Variants in CAMK1D observed in about 807,000 individuals in gnomAD.
The protein encoded by CAMK1D is calcium/calmodulin-dependent protein kinase type 1D.
A neutral mutation model predicts 47.7 loss-of-function variants in CAMK1D; 9 were observed. The observed-to-expected ratio is 0.19, with a 90% CI of 0.11 to 0.33. The LOEUF (loss-of-function observed/expected upper bound fraction) is 0.33. Ranked by LOEUF, CAMK1D falls within the 10% of genes least tolerant of loss-of-function variation. CAMK1D has a pLI of 1.00. For synonymous variants in CAMK1D, 184 were observed against 184.9 expected, an observed-to-expected ratio of 0.99 and a Z score of 0.04; for missense variants, 291 against 488.7, an observed-to-expected ratio of 0.60 and a Z score of 3.81.
At chr10:12,797,024 A>C (rs1024671668) in intron 6 of CAMK1D, among the ~76,000 whole-genome samples, 4 of 152,160 alleles carry the variant, frequency 2.6e-5, no homozygotes, top group Non-Finnish European at 5.9e-5. Flanking sequence ...TGAGAAACCA[A>C]ATGAAAAGCA....
intron 4 of CAMK1D, among the ~76,000 whole-genome samples, chr10:12,763,144 G>C (rs899232651): frequency 1.3e-5 from 2 of 152,166 alleles, no homozygotes; most frequent in African/African-American, 4.8e-5. Flanking sequence ...CACCGGGCCT[G>C]TCGTTACGTA....
At chr10:12,426,222 G>A (rs1443340045) in intron 1 of CAMK1D, among the ~76,000 whole-genome samples, 1 of 152,158 alleles carries the variant, frequency 6.6e-6, no homozygotes, top group East Asian at 1.9e-4. Context: ...TTAGGCTGTT[G>A]TATTTTTGCT....
chr10:12,579,029 C>T (rs1837582045), intron 2 of CAMK1D, among the ~76,000 whole-genome samples: 1 of 152,010 alleles, frequency 6.6e-6, no homozygotes, highest in Non-Finnish European at 1.5e-5. Context: ...GCTTCAAGGG[C>T]ATAGGGAAGT....
chr10:12,538,820 A>G (rs1836065759), intron 1 of CAMK1D, among the ~76,000 whole-genome samples: 1 of 143,418 alleles, frequency 7.0e-6, no homozygotes, highest in Non-Finnish European at 1.5e-5. Context: ...CGCAGCTTTT[A>G]TCTGAAGTGG....
At chr10:12,368,840 T>C (rs1467496711) in intron 1 of CAMK1D, among the ~76,000 whole-genome samples, 1 of 151,954 alleles carries the variant, frequency 6.6e-6, no homozygotes, top group Non-Finnish European at 1.5e-5. Flanking sequence ...TATTTTGAGA[T>C]GGAGTCTTGC....
At chr10:12,363,227 C>T (rs2724804) in intron 1 of CAMK1D, among the ~76,000 whole-genome samples, 3 of 151,860 alleles carry the variant, frequency 2.0e-5, no homozygotes, top group Non-Finnish European at 2.9e-5. Context: ...AGGCGTGAAC[C>T]ACCGCACCCG....
chr10:12,521,807 T>A (rs1438916195), intron 1 of CAMK1D, among the ~76,000 whole-genome samples: 1 of 152,232 alleles, frequency 6.6e-6, no homozygotes, highest in Non-Finnish European at 1.5e-5. Flanking sequence ...TTCTTTGTGG[T>A]GAATTTATTC....
intron 1 of CAMK1D, among the ~76,000 whole-genome samples, chr10:12,531,110 C>G (rs1013783868): frequency 6.6e-6 from 1 of 151,052 alleles, no homozygotes; most frequent in African/African-American, 2.4e-5. Flanking sequence ...AATTTGAACA[C>G]AGGCTTCAAG....
intron 2 of CAMK1D, among the ~76,000 whole-genome samples, chr10:12,624,197 T>C (rs1247041571): frequency 6.6e-6 from 1 of 152,136 alleles, no homozygotes. Flanking sequence ...TATATCCCCA[T>C]ATGAGAGTGT....
In CAMK1D at chr10:12,452,945, T is replaced by C. The variant is rs567193184; in HGVS notation, c.93-100280T>C. ...GTTGTGCAGCCATCGCCACCATCCA[T>C]CTCCAGAACTTTTTCATCTTCCCAG... On this transcript the variant is annotated intron_variant, in intron 1 of 10. Transcript: ENST00000619168. 2.6e-5 allele frequency among the ~76,000 whole-genome samples: 4 copies of C among 152,142 alleles called. No individual in the cohort carries two copies. In the East Asian group the frequency reaches 7.7e-4, roughly 29 times the overall value.
At chr10:12,532,429 G>A (rs998614326) in intron 1 of CAMK1D, among the ~76,000 whole-genome samples, 14 of 152,012 alleles carry the variant, frequency 9.2e-5, no homozygotes, top group Non-Finnish European at 1.9e-4. Flanking sequence ...ACAGGCGCCC[G>A]CCACTACGCC....
chr10:12,523,113 C>T (rs1440813113), intron 1 of CAMK1D, among the ~76,000 whole-genome samples: 237 of 148,060 alleles, frequency 1.6e-3, no homozygotes, highest in Middle Eastern at 3.9e-3. Context: ...TCAGACGGGG[C>T]GGCTGGGCAG....
At chr10:12,788,393 G>A (rs1309992330) in intron 5 of CAMK1D, among the ~76,000 whole-genome samples, 2 of 152,166 alleles carry the variant, frequency 1.3e-5, no homozygotes, top group Admixed American at 6.5e-5. Flanking sequence ...TGGCTGCTGC[G>A]CCATCTCACT....
chr10:12,760,870 G>A, intron 3 of CAMK1D, 78 bp from the exon 4 acceptor site: 1 of 1,519,534 alleles, frequency 6.6e-7, no homozygotes, highest in Non-Finnish European at 9.0e-7. Flanking sequence ...TAAAGTTTGG[G>A]ATTTTTTTCA....
At chr10:12,668,326 A>C (rs1022771313) in intron 3 of CAMK1D, among the ~76,000 whole-genome samples, 2 of 152,238 alleles carry the variant, frequency 1.3e-5, no homozygotes, top group African/African-American at 4.8e-5. Flanking sequence ...GTGTATTTAA[A>C]TGTGTGTTTT....
At chr10:12,525,490 G>A (rs952010210) in intron 1 of CAMK1D, among the ~76,000 whole-genome samples, 4 of 151,830 alleles carry the variant, frequency 2.6e-5, no homozygotes, top group Non-Finnish European at 4.4e-5. Flanking sequence ...TGTCATCTAC[G>A]TTTTGTTATT....
intron 4 of CAMK1D, among the ~76,000 whole-genome samples, chr10:12,762,460 A>G (rs1032273217): frequency 2.6e-5 from 4 of 152,186 alleles, no homozygotes; most frequent in African/African-American, 9.7e-5. Context: ...GTTTTTCTGC[A>G]TGTTGTCATG....
At chr10:12,700,135 C>G (rs80022867) in intron 3 of CAMK1D, among the ~76,000 whole-genome samples, 74 of 152,246 alleles carry the variant, frequency 4.9e-4, no homozygotes, top group African/African-American at 1.8e-3. Context: ...CACAGCTGAA[C>G]AAAGCTTACA....
chr10:12,393,497 A>G (rs927458995), intron 1 of CAMK1D, among the ~76,000 whole-genome samples: 8 of 152,232 alleles, frequency 5.3e-5, no homozygotes, highest in Non-Finnish European at 1.2e-4. Flanking sequence ...TGTTACCACC[A>G]TCTGTCCTCC....
Sources: allele counts gnomAD v4.1 joint callset (sites outside exome capture counted in the v4.1 genomes callset), GRCh38; gene constraint gnomAD v4.1.1; transcripts MANE v1.5; gene names NCBI Gene and HGNC (gene_info 2026-07-23, HGNC 2026-07-21).